PCDH15: variants seen among roughly 807,000 people sequenced by gnomAD.
PCDH15 encodes protocadherin-15.
PCDH15 carries 129 observed loss-of-function variants against 178.5 expected under a neutral mutation model. The ratio of observed to expected loss-of-function variants is 0.72; its 90% CI spans 0.63 to 0.84. The LOEUF is 0.84. Ranked by LOEUF, PCDH15 falls within the 40% of genes least tolerant of loss-of-function variation. The probability of loss-of-function intolerance (pLI) is 0.00; values close to 1 mark genes in which losing one functional copy is unlikely to be tolerated. For synonymous variants in PCDH15, 800 were observed against 732.0 expected, an observed-to-expected ratio of 1.09 and a Z score of -1.50; for missense variants, 2,230 against 2,099.9, an observed-to-expected ratio of 1.06 and a Z score of -1.21.
At chr10:54,528,238 C>T (rs982447510) in intron 2 of PCDH15, 24 of 766,510 alleles carry the variant, frequency 3.1e-5, no homozygotes, top group Non-Finnish European at 4.1e-5. Context: ...AGCATCACAA[C>T]AGAAACAAAC....
intron 2 of PCDH15, among the ~76,000 whole-genome samples, chr10:55,443,265 CA>C (rs1213845937): frequency 6.6e-6 from 1 of 152,038 alleles, no homozygotes; most frequent in African/African-American, 2.4e-5. Context: ...AAAGCATTTG[CA>C]ACAAAAGCCA....
At chr10:54,853,643 ATT>A (rs34014513) in intron 3 of PCDH15, among the ~76,000 whole-genome samples, 1 of 150,136 alleles carries the variant, frequency 6.7e-6, no homozygotes, top group Non-Finnish European at 1.5e-5. Context: ...AAAAAAAAAG[ATT>A]TTTTTTTCAC....
intron 11 of PCDH15, among the ~76,000 whole-genome samples, chr10:54,191,637 G>C (rs2048997085): frequency 6.6e-6 from 1 of 151,764 alleles, no homozygotes; most frequent in African/African-American, 2.4e-5. Context: ...AGAAATGTGG[G>C]CCAGACGCAG....
chr10:53,901,868 TCA>T, intron 26 of PCDH15, among the ~76,000 whole-genome samples: 1 of 152,312 alleles, frequency 6.6e-6, no homozygotes, highest in South Asian at 2.1e-4. Flanking sequence ...TGCACCACTC[TCA>T]TTCTTCCCTT....
At chr10:55,464,002 AAAGAAAGAAAG>A (rs1839765816) in intron 2 of PCDH15, among the ~76,000 whole-genome samples, 1 of 63,374 alleles carries the variant, frequency 1.6e-5, no homozygotes, top group Non-Finnish European at 3.0e-5. Context: ...AGAAAGAAAG[AAAGAAAGAAAG>A]AAAGAAAGAA....
At chr10:53,991,501 C>G (rs2091480297) in intron 21 of PCDH15, among the ~76,000 whole-genome samples, 1 of 151,388 alleles carries the variant, frequency 6.6e-6, no homozygotes, top group African/African-American at 2.4e-5. Context: ...CAATCAGCAC[C>G]CTGTGTCTAG....
chr10:54,388,284 GT>G (rs1950153318), intron 3 of PCDH15, among the ~76,000 whole-genome samples: 1 of 152,190 alleles, frequency 6.6e-6, no homozygotes, highest in African/African-American at 2.4e-5. Flanking sequence ...CAGAACAATA[GT>G]TGAGTTTCGT....
intron 6 of PCDH15, among the ~76,000 whole-genome samples, chr10:54,331,518 G>C (rs1939568038): frequency 6.6e-6 from 1 of 151,850 alleles, no homozygotes; most frequent in African/African-American, 2.4e-5. Flanking sequence ...ATTCAACTTT[G>C]CTTATACCTA....
At chr10:55,562,005 A>G (rs951498219) in intron 2 of PCDH15, among the ~76,000 whole-genome samples, 7 of 151,988 alleles carry the variant, frequency 4.6e-5, no homozygotes, top group Non-Finnish European at 1.0e-4. Flanking sequence ...AAGCTTCTAC[A>G]GTTGTGCTTT....
chr10:54,351,999 C>T (rs1185823770), intron 5 of PCDH15, among the ~76,000 whole-genome samples: 1 of 152,092 alleles, frequency 6.6e-6, no homozygotes, highest in African/African-American at 2.4e-5. Context: ...AGAAAGTCCT[C>T]CACAAATCAT....
At chr10:54,012,649 T>A (rs930235609) in intron 20 of PCDH15, among the ~76,000 whole-genome samples, 7 of 152,144 alleles carry the variant, frequency 4.6e-5, no homozygotes, top group Admixed American at 4.6e-4. Flanking sequence ...TTCAGCATTC[T>A]TAAATAAAAG....
In PCDH15 at chr10:55,568,563, T is replaced by TA. The variant is rs888382208; in HGVS notation, c.-156+59061dup. On this transcript the variant is annotated intron_variant, in intron 2 of 5. Transcript: ENST00000613346. ...ATATAAACAAATAAGAATAAATAAATAAAAAAACAAATCAAACAAAAACCC... is the reference window on the plus strand; with the variant it reads ...ATATAAACAAATAAGAATAAATAAATAAAAAAAACAAATCAAACAAAAACCC... Among the ~76,000 whole-genome samples, 5 of 151,640 alleles carry TA rather than the reference T, an allele frequency of 3.3e-5. No homozygotes were observed. The East Asian group carries it at 5.8e-4, about 18-fold the overall frequency.
intron 2 of PCDH15, among the ~76,000 whole-genome samples, chr10:55,145,966 ACAAAC>A (rs953895053): frequency 6.6e-6 from 1 of 151,972 alleles, no homozygotes; most frequent in African/African-American, 2.4e-5. Flanking sequence ...TAGAGTAGCT[ACAAAC>A]CATACAACCA....
At chr10:54,815,795 G>T (rs561006783) in intron 3 of PCDH15, among the ~76,000 whole-genome samples, 1 of 152,070 alleles carries the variant, frequency 6.6e-6, no homozygotes, top group African/African-American at 2.4e-5. Context: ...TCAGACAGAT[G>T]ATTCATCTTG....
At chr10:54,741,317 A>C (rs1260261895) in intron 1 of PCDH15, among the ~76,000 whole-genome samples, 1 of 151,766 alleles carries the variant, frequency 6.6e-6, no homozygotes, top group African/African-American at 2.4e-5. Flanking sequence ...TTAGTAACTA[A>C]AAATGTACTC....
intron 3 of PCDH15, among the ~76,000 whole-genome samples, chr10:54,518,351 T>C (rs1288089163): frequency 6.7e-6 from 1 of 149,040 alleles, no homozygotes; most frequent in African/African-American, 2.5e-5. Context: ...AAGAATCAAA[T>C]AGACGCAATA....
In PCDH15 at chr10:55,426,141, T is replaced by A. The variant is rs949908368; in HGVS notation, c.-156+201484A>T. Among the ~76,000 whole-genome samples, 4 of 152,250 alleles carry A rather than the reference T, an allele frequency of 2.6e-5. No homozygotes were observed. The South Asian group carries it at 8.3e-4, about 32-fold the overall frequency. ...TAAGAACTACTTCAAAAGCTATAATTAAATGCATTATGTAAAAATTTTTGA... is the reference window on the plus strand; with the variant it reads ...TAAGAACTACTTCAAAAGCTATAATAAAATGCATTATGTAAAAATTTTTGA... On this transcript the variant is annotated intron_variant, in intron 2 of 5. Coordinates refer to the PCDH15 transcript ENST00000613346.
intron 14 of PCDH15, among the ~76,000 whole-genome samples, chr10:54,139,807 G>C (rs1030194500): frequency 9.9e-5 from 15 of 151,920 alleles, no homozygotes; most frequent in African/African-American, 3.6e-4. Flanking sequence ...TGTGTAAAAA[G>C]TTATAGATAC....
At position 54,973,053 on chromosome 10, in the gene PCDH15, G is replaced by A. The variant is rs867154820; in HGVS notation, c.-79-75553C>T. On this transcript the variant is annotated intron_variant, in intron 2 of 5. Coordinates refer to the PCDH15 transcript ENST00000458638. ...AATGCTTTGTGGCCACATGGAAATG[G>A]TTATGATTAATAAAGTAAAAATATA... Among the ~76,000 whole-genome samples, 10 of 151,658 alleles carry A rather than the reference G, an allele frequency of 6.6e-5. 1 individual carries two copies. Among genetic ancestry groups the A allele is most frequent in the Non-Finnish European group, 1.3e-4 (9 of 67,920 alleles).
Sources: allele counts gnomAD v4.1 joint callset (sites outside exome capture counted in the v4.1 genomes callset), GRCh38; gene constraint gnomAD v4.1.1; transcripts MANE v1.5; gene names NCBI Gene and HGNC (gene_info 2026-07-23, HGNC 2026-07-21).